The following ATRNL1 variants were observed in gnomAD, a reference collection of about 807,000 sequenced individuals.
The protein encoded by ATRNL1 is attractin-like protein 1.
A neutral mutation model predicts 182.7 loss-of-function variants in ATRNL1; 95 were observed. That is an observed-to-expected ratio of 0.52 (90% CI 0.44 to 0.62). ATRNL1 has a LOEUF of 0.62. ATRNL1 is among the 20% of genes least tolerant of loss of function. ATRNL1 has a pLI of 0.00. For missense variants in ATRNL1, 1,471 were observed against 1,679.5 expected (o/e 0.88, Z 2.17); for synonymous variants, 576 against 568.3 (o/e 1.01, Z -0.19).
intron 19 of ATRNL1, among the ~76,000 whole-genome samples, chr10:115,340,685 A>G (rs1360817727): frequency 1.3e-5 from 2 of 151,008 alleles, no homozygotes; most frequent in Non-Finnish European, 3.0e-5. Flanking sequence ...GAAACTTTTT[A>G]TTATACCTTC....
intron 27 of ATRNL1, among the ~76,000 whole-genome samples, chr10:115,732,479 A>C (rs1947828369): frequency 6.6e-6 from 1 of 152,230 alleles, no homozygotes; most frequent in African/African-American, 2.4e-5. Flanking sequence ...AGGTCTTGGG[A>C]ATGATCAAAA....
chr10:115,556,632 G>T (rs1853329786), intron 26 of ATRNL1, among the ~76,000 whole-genome samples: 1 of 152,066 alleles, frequency 6.6e-6, no homozygotes, highest in Admixed American at 6.5e-5. Context: ...TCTTTATAAG[G>T]TGTTTAGTAC....
At chr10:115,450,290 G>T (rs1338368909) in intron 21 of ATRNL1, among the ~76,000 whole-genome samples, 1 of 152,062 alleles carries the variant, frequency 6.6e-6, no homozygotes, top group Non-Finnish European at 1.5e-5. Flanking sequence ...AGAGCAATCA[G>T]GCAAGAGAAA....
At chr10:115,613,852 T>C (rs1857290504) in intron 26 of ATRNL1, among the ~76,000 whole-genome samples, 1 of 152,050 alleles carries the variant, frequency 6.6e-6, no homozygotes, top group Non-Finnish European at 1.5e-5. Context: ...ATTTCTATGA[T>C]ATCAGTTATA....
intron 27 of ATRNL1, among the ~76,000 whole-genome samples, chr10:115,749,143 A>G (rs950230672): frequency 2.0e-5 from 3 of 151,964 alleles, no homozygotes; most frequent in African/African-American, 4.8e-5. Context: ...ATAGAATACT[A>G]TATTATCAGG....
intron 18 of ATRNL1, among the ~76,000 whole-genome samples, chr10:115,322,124 A>G (rs1447674234): frequency 6.6e-6 from 1 of 152,096 alleles, no homozygotes; most frequent in Non-Finnish European, 1.5e-5. Context: ...TCAGATTTAT[A>G]TTACTACCAG....
intron 24 of ATRNL1, among the ~76,000 whole-genome samples, chr10:115,501,347 G>A (rs1330880269): frequency 6.6e-6 from 1 of 152,036 alleles, no homozygotes; most frequent in East Asian, 1.9e-4. Context: ...GGGCTCATGG[G>A]CCTATTAGAA....
At chr10:115,640,376 A>G (rs1555029861) in intron 26 of ATRNL1, among the ~76,000 whole-genome samples, 1 of 152,166 alleles carries the variant, frequency 6.6e-6, no homozygotes, top group Non-Finnish European at 1.5e-5. Flanking sequence ...GGTTGAACCT[A>G]ATTTACACTC....
chr10:115,358,461 C>T (rs1343099861), intron 19 of ATRNL1, among the ~76,000 whole-genome samples: 1 of 151,262 alleles, frequency 6.6e-6, no homozygotes, highest in Non-Finnish European at 1.5e-5. Context: ...TTGCAATTTA[C>T]ATTTTACTCA....
At chr10:115,392,009 G>A (rs1045952494) in intron 19 of ATRNL1, among the ~76,000 whole-genome samples, 29 of 152,074 alleles carry the variant, frequency 1.9e-4, no homozygotes, top group Non-Finnish European at 3.4e-4. Flanking sequence ...AAAATTTAGG[G>A]TAGTGGTTAC....
chr10:115,267,051 T>C, intron 12 of ATRNL1, 46 bp downstream of exon 12: 1 of 1,312,930 alleles, frequency 7.6e-7, no homozygotes, highest in Non-Finnish European at 1.1e-6. Flanking sequence ...AAATTTCTCT[T>C]CTACAGAAGT....
At chr10:115,192,350 A>G (rs1211920985) in intron 8 of ATRNL1, among the ~76,000 whole-genome samples, 1 of 152,028 alleles carries the variant, frequency 6.6e-6, no homozygotes. Context: ...TATTGAAGAG[A>G]CTGTCCTTTC....
At chr10:115,434,350 T>C (rs1165018929) in intron 21 of ATRNL1, among the ~76,000 whole-genome samples, 1 of 152,194 alleles carries the variant, frequency 6.6e-6, no homozygotes, top group African/African-American at 2.4e-5. Flanking sequence ...TTTTTATATG[T>C]ATTAGCTTAT....
In ATRNL1 at chr10:115,193,497, A is replaced by G. The variant is rs552638362; in HGVS notation, c.1349-22200A>G. ...ATCTGTTTCTTCTGTTTTACAGTGTATTGGCACTTTGTCTCCTAATAGTCT... is the reference window on the plus strand; with the variant it reads ...ATCTGTTTCTTCTGTTTTACAGTGTGTTGGCACTTTGTCTCCTAATAGTCT... On this transcript the variant is annotated intron_variant, in intron 8 of 28. Coordinates refer to ENST00000355044, the MANE Select transcript of ATRNL1 (RefSeq NM_207303.4). 9.9e-5 allele frequency among the ~76,000 whole-genome samples: 15 copies of G among 151,966 alleles called. No individual in the cohort carries two copies. The South Asian group carries it at 3.1e-3, about 32-fold the overall frequency.
chr10:115,304,965 G>A (rs1458248105), intron 17 of ATRNL1, among the ~76,000 whole-genome samples: 1 of 151,912 alleles, frequency 6.6e-6, no homozygotes, highest in African/African-American at 2.4e-5. Flanking sequence ...AACTTTCCAA[G>A]GACTCCTTTT....
intron 26 of ATRNL1, among the ~76,000 whole-genome samples, chr10:115,575,735 C>G (rs1468011662): frequency 6.6e-6 from 1 of 151,932 alleles, no homozygotes. Flanking sequence ...TAAGTAAGCT[C>G]TTACCTTTTT....
chr10:115,754,081 C>A (rs1948520952), intron 27 of ATRNL1, among the ~76,000 whole-genome samples: 1 of 152,138 alleles, frequency 6.6e-6, no homozygotes, highest in South Asian at 2.1e-4. Context: ...AGCCCTTTGT[C>A]AGATGGATAG....
At chr10:115,398,338 C>G (rs905991062) in intron 20 of ATRNL1, among the ~76,000 whole-genome samples, 2 of 151,848 alleles carry the variant, frequency 1.3e-5, no homozygotes, top group Admixed American at 6.6e-5. Context: ...CACAGCTGAT[C>G]GTCAAAAATT....
intron 10 of ATRNL1, among the ~76,000 whole-genome samples, chr10:115,257,346 CTCT>C (rs1851194350): frequency 6.6e-6 from 1 of 152,120 alleles, no homozygotes; most frequent in South Asian, 2.1e-4. Flanking sequence ...TCATAGTTAG[CTCT>C]TCTTGTTAAA....
Sources: allele counts gnomAD v4.1 joint callset (sites outside exome capture counted in the v4.1 genomes callset), GRCh38; gene constraint gnomAD v4.1.1; transcripts MANE v1.5; gene names NCBI Gene and HGNC (gene_info 2026-07-23, HGNC 2026-07-21).